STRN3: variants seen among roughly 807,000 people sequenced by gnomAD.
The protein encoded by STRN3 is striatin-3.
In STRN3, 29 loss-of-function variants were observed where a neutral mutation model predicts 95.6. That is an observed-to-expected ratio of 0.30 (90% CI 0.23 to 0.41). STRN3 has a LOEUF of 0.41. STRN3 is among the 10% of genes least tolerant of loss of function. The probability of loss-of-function intolerance (pLI) is 1.00; values close to 1 mark genes in which losing one functional copy is unlikely to be tolerated. For missense variants in STRN3, 890 were observed against 972.1 expected (o/e 0.92, Z 1.12); for synonymous variants, 331 against 357.6 (o/e 0.93, Z 0.84).
At chr14:30,933,857 A>G (rs1198417488) in intron 7 of STRN3, among the ~76,000 whole-genome samples, 1 of 152,250 alleles carries the variant, frequency 6.6e-6, no homozygotes, top group Non-Finnish European at 1.5e-5. Context: ...CAAGATAGTC[A>G]ATAAATGTAT....
chr14:31,010,437 T>A (rs1299757056), intron 1 of STRN3, among the ~76,000 whole-genome samples: 1 of 138,902 alleles, frequency 7.2e-6, no homozygotes, highest in Non-Finnish European at 1.5e-5. Context: ...GCATAAAGAA[T>A]TCACTCCTGA....
intron 8 of STRN3, among the ~76,000 whole-genome samples, chr14:30,922,010 C>T (rs1325156036): frequency 6.6e-6 from 1 of 151,988 alleles, no homozygotes; most frequent in African/African-American, 2.4e-5. Context: ...CCTCAGCCTG[C>T]CCAGTAGCTG....
At position 31,026,056 on chromosome 14, in the gene STRN3, G is replaced by A. The variant is rs922001430; in HGVS notation, c.130C>T (p.Pro44Ser). Residue 44 changes from proline (P) to serine (S), a missense_variant, in exon 1 of 18, where the codon CCG (proline) becomes TCG (serine). Coordinates refer to ENST00000357479, the MANE Select transcript of STRN3 (RefSeq NM_001083893.2). The stretch of plus-strand genomic sequence containing the variant: ...GCGGGACCCGCTCCCTCGGAGGCCG[G>A]AGGACCCCCGCCGCCCGCCGCTCCG... Reference protein sequence around the residue: ...GNGAAGGGGPPASEGAGPAAG... With the variant: ...GNGAAGGGGPSASEGAGPAAG... 23 of 1,523,944 alleles carry A rather than the reference G, an allele frequency of 1.5e-5. No homozygotes were observed. Among genetic ancestry groups the A allele is most frequent in the East Asian group, 5.1e-5 (2 of 38,978 alleles). The allele number at this position is 1,523,944 out of a possible 1,614,324, so 94.4% of individuals were successfully genotyped here.
At chr14:30,972,551 G>T (rs1372295610) in intron 1 of STRN3, among the ~76,000 whole-genome samples, 2 of 152,018 alleles carry the variant, frequency 1.3e-5, no homozygotes, top group African/African-American at 4.8e-5. Context: ...TTGCGGCACG[G>T]AAACTTTATA....
intron 1 of STRN3, among the ~76,000 whole-genome samples, chr14:30,968,525 C>A (rs193198222): frequency 6.6e-6 from 1 of 151,496 alleles, no homozygotes; most frequent in East Asian, 1.9e-4. Flanking sequence ...ACTGAAAATA[C>A]AAAAATTAGC....
intron 5 of STRN3, among the ~76,000 whole-genome samples, chr14:30,942,416 A>C (rs1879138143): frequency 6.6e-6 from 1 of 152,236 alleles, no homozygotes; most frequent in Non-Finnish European, 1.5e-5. Flanking sequence ...GAATCTTAAA[A>C]ATGAATAAAT....
At chr14:30,917,405 G>A (rs947986597) in intron 9 of STRN3, among the ~76,000 whole-genome samples, 1 of 152,064 alleles carries the variant, frequency 6.6e-6, no homozygotes, top group East Asian at 1.9e-4. Context: ...ACATTTAAAA[G>A]GGTCCACATT....
intron 3 of STRN3, among the ~76,000 whole-genome samples, chr14:30,952,276 G>A (rs2139130758): frequency 6.6e-6 from 1 of 152,138 alleles, no homozygotes; most frequent in East Asian, 1.9e-4. Context: ...AAGAAGAGAG[G>A]GACTTAGAAG....
At chr14:31,011,549 A>G (rs1241604990) in intron 1 of STRN3, among the ~76,000 whole-genome samples, 2 of 152,180 alleles carry the variant, frequency 1.3e-5, no homozygotes, top group Admixed American at 6.5e-5. Context: ...AGGCTGAGGC[A>G]CAAGAATTGC....
chr14:30,984,266 TA>T (rs755650146), intron 1 of STRN3, among the ~76,000 whole-genome samples: 6,548 of 86,588 alleles, frequency 0.076, 193 homozygotes, highest in African/African-American at 0.13. Context: ...TGAGGAATTC[TA>T]AAAAAAAAAA....
intron 5 of STRN3, 106 bp from the exon 6 acceptor site, chr14:30,936,730 T>A: frequency 7.5e-7 from 1 of 1,341,506 alleles, no homozygotes; most frequent in Non-Finnish European, 1.0e-6. Flanking sequence ...GAGATTCGAA[T>A]GACTACCTAC....
intron 8 of STRN3, among the ~76,000 whole-genome samples, chr14:30,924,720 A>AGTG (rs1236313053): frequency 6.6e-6 from 1 of 152,152 alleles, no homozygotes; most frequent in Non-Finnish European, 1.5e-5. Context: ...AGCCAGGCAT[A>AGTG]GTGGTGCACA....
chr14:30,956,090 G>T, intron 2 of STRN3, 49 bp downstream of exon 2: 1 of 1,502,110 alleles, frequency 6.7e-7, no homozygotes, highest in Non-Finnish European at 9.2e-7. Context: ...GTATACATGA[G>T]TATACTATTG....
chr14:30,952,123 AC>A (rs1214155957), intron 3 of STRN3, among the ~76,000 whole-genome samples: 7 of 148,208 alleles, frequency 4.7e-5, no homozygotes, highest in Admixed American at 1.5e-4. Context: ...GTCTTAAACA[AC>A]AAAAAAAAAG....
At chr14:31,004,586 C>T (rs989243230) in intron 1 of STRN3, among the ~76,000 whole-genome samples, 3 of 151,926 alleles carry the variant, frequency 2.0e-5, no homozygotes, top group Non-Finnish European at 4.4e-5. Flanking sequence ...CCAGCCTGGC[C>T]AACATGGTGA....
At chr14:30,968,373 A>T (rs1181070160) in intron 1 of STRN3, among the ~76,000 whole-genome samples, 1 of 115,198 alleles carries the variant, frequency 8.7e-6, no homozygotes, top group East Asian at 2.6e-4. Context: ...CTAAAATAAG[A>T]TTAACTGGTT....
At chr14:31,009,480 C>A (rs368385724) in intron 1 of STRN3, among the ~76,000 whole-genome samples, 5 of 152,178 alleles carry the variant, frequency 3.3e-5, no homozygotes, top group African/African-American at 1.2e-4. Context: ...ACTACCCCCC[C>A]GCCCCCGCGC....
chr14:30,928,694 A>G lies in STRN3; in HGVS notation c.1099+507T>C, dbSNP rs117930043. On this transcript the variant is annotated intron_variant, in intron 8 of 17. Coordinates refer to ENST00000357479, the MANE Select transcript of STRN3 (RefSeq NM_001083893.2). ...TCTGGTTTCCTTCACCACAGTAGCCAAAAAATACTACCCAAGAGATTCTTT... is the reference window on the plus strand; with the variant it reads ...TCTGGTTTCCTTCACCACAGTAGCCGAAAAATACTACCCAAGAGATTCTTT... 1.8e-3 allele frequency among the ~76,000 whole-genome samples: 274 copies of G among 152,284 alleles called. 5 individuals are homozygous for G. In the East Asian group the frequency reaches 0.031, roughly 17 times the overall value.
At chr14:31,003,378 G>C (rs1882563121) in intron 1 of STRN3, among the ~76,000 whole-genome samples, 1 of 151,636 alleles carries the variant, frequency 6.6e-6, no homozygotes, top group African/African-American at 2.4e-5. Context: ...ACTCAAGCTG[G>C]ATCATAGACC....
Sources: gnomAD v4.1 joint callset for allele counts (sites outside exome capture counted in the v4.1 genomes callset) on GRCh38, gnomAD v4.1.1 for gene constraint, MANE v1.5 for transcripts, NCBI Gene and HGNC (gene_info 2026-07-23, HGNC 2026-07-21) for gene names.